Variants in NEURL4 observed in about 807,000 individuals in gnomAD.
The protein encoded by NEURL4 is neuralized-like protein 4.
A neutral mutation model predicts 148.0 loss-of-function variants in NEURL4; 45 were observed. The observed-to-expected ratio is 0.30, with a 90% CI of 0.24 to 0.39. The LOEUF (loss-of-function observed/expected upper bound fraction) is 0.39. Among genes scored for constraint, NEURL4 ranks in the 10% least tolerant of loss-of-function variants. The pLI is 1.00. For synonymous variants in NEURL4, 854 were observed against 869.0 expected (o/e 0.98, Z 0.30); for missense variants, 1,776 against 2,144.0 (o/e 0.83, Z 3.39).
Position 7,322,675 on chromosome 17 carries a change from T to C in NEURL4, c.2725+60A>G. 2 of 1,583,408 alleles carry C rather than the reference T, an allele frequency of 1.3e-6. No individual in the cohort carries two copies. Among genetic ancestry groups the C allele is most frequent in the South Asian group, 2.2e-5 (2 of 90,250 alleles). On this transcript the variant is annotated intron_variant, in intron 16 of 28. Coordinates refer to ENST00000399464, the MANE Select transcript of NEURL4 (RefSeq NM_032442.3). The surrounding 1 kb of genome is among the most constrained non-coding windows in gnomAD (Gnocchi z 5.5). ...CAGAACCTCTCTAACCTGGAAACCC[T>C]ACTCCTCAGGTGCACAGCAGGCAAG... is the stretch of plus-strand genomic sequence containing the variant.
chr17:7,327,973 T>C lies in NEURL4; in HGVS notation c.283-89A>G. Reference sequence around the variant, plus strand: ...TCTTCCCACCTCTCAGACAGCTAGCTGGCTTTCTGTCTCTTGGAACACTAA... The same window carrying C: ...TCTTCCCACCTCTCAGACAGCTAGCCGGCTTTCTGTCTCTTGGAACACTAA... On this transcript the variant is annotated intron_variant, in intron 1 of 28. Transcript: ENST00000399464. The surrounding 1 kb of genome is among the most constrained non-coding windows in gnomAD (Gnocchi z 6.6). 1 of 1,038,694 alleles carries C rather than the reference T, an allele frequency of 9.6e-7. No individual in the cohort carries two copies. Among genetic ancestry groups the C allele is most frequent in the Non-Finnish European group, 1.4e-6 (1 of 729,172 alleles). The allele number at this position is 1,038,694 out of a possible 1,614,324, so 64.3% of individuals were successfully genotyped here. A position where few individuals can be genotyped will look rare whatever the true frequency, so the allele number is the denominator to read the frequency against.
In NEURL4 at chr17:7,324,070, C is replaced by T. The variant is rs756149541; in HGVS notation, c.2062+38G>A. On this transcript the variant is annotated intron_variant, in intron 11 of 28. Coordinates refer to ENST00000399464, the MANE Select transcript of NEURL4 (RefSeq NM_032442.3). The surrounding 1 kb of genome is among the most constrained non-coding windows in gnomAD (Gnocchi z 5.9). ...AGGTGTCTCTCAGACCTCCCAAGGCCACCCTAACCCCCAGCCCCAGCCCAG... is the reference window on the plus strand; with the variant it reads ...AGGTGTCTCTCAGACCTCCCAAGGCTACCCTAACCCCCAGCCCCAGCCCAG... 1.1e-5 allele frequency: 17 copies of T among 1,609,542 alleles called. No homozygotes were observed. The East Asian group carries it at 3.3e-4, about 32-fold the overall frequency.
intron 21 of NEURL4, among the ~76,000 whole-genome samples, 164 bp from the exon 22 acceptor site, chr17:7,319,372 CTCTTTTTTTT>C (rs2072995821): frequency 1.0e-5 from 1 of 99,206 alleles, no homozygotes; most frequent in African/African-American, 3.3e-5. Flanking sequence ...GTTTCTTTCC[CTCTTTTTTTT>C]TTTTTTTTTT....
rs768709203 is a variant in NEURL4 at position 7,326,395 on chromosome 17, C to A, written c.1204+42G>T. 3.3e-5 allele frequency: 53 copies of A among 1,613,534 alleles called. No homozygotes were observed. The South Asian group carries it at 5.7e-4, about 17-fold the overall frequency. On this transcript the variant is annotated intron_variant, in intron 5 of 28. Coordinates refer to ENST00000399464, the MANE Select transcript of NEURL4 (RefSeq NM_032442.3). This position sits in a 1 kb window ranked among gnomAD's most constrained non-coding sequence, Gnocchi z 6.0. ...GGGTACGGGGCTTCCTTCCCCTCAG[C>A]AACACCAGGCCTGCACCCCCGCCCC...
Position 7,322,978 on chromosome 17 carries a change from C to A in NEURL4, c.2563G>T (p.Ala855Ser). 1 of 1,613,596 alleles carries A rather than the reference C, an allele frequency of 6.2e-7. No individual in the cohort carries two copies. The highest frequency in any genetic ancestry group is 8.5e-7 in the Non-Finnish European group (1 of 1,179,912). The change falls in exon 15 of 29, where the codon GCT becomes TCT. Residue 855 changes from alanine (A) to serine (S), a missense_variant. Ala to Ser is a moderately conservative substitution (Grantham distance 99, BLOSUM62 1). Transcript: ENST00000399464. This position sits in a 1 kb window ranked among gnomAD's most constrained non-coding sequence, Gnocchi z 5.5. Reference sequence around the variant, plus strand: ...CCCGGAGGCAGGCCCGAGCAGGCAGCGCCTTGGTCCTGGCCGTTGATGAAG... The same window carrying A: ...CCCGGAGGCAGGCCCGAGCAGGCAGAGCCTTGGTCCTGGCCGTTGATGAAG... ...HYFINGQDQGAACSGLPPGKE... is the reference protein window; with the variant it reads ...HYFINGQDQGSACSGLPPGKE...
chr17:7,318,094 G>C lies in NEURL4; in HGVS notation c.4031C>G (p.Ser1344Cys), dbSNP rs1291988756. The C allele has an allele frequency of 1.9e-6, 3 of 1,614,066 alleles. No individual in the cohort carries two copies. The highest frequency in any genetic ancestry group is 1.7e-6 in the Non-Finnish European group (2 of 1,180,030). Residue 1344 changes from serine (S) to cysteine (C), a missense_variant, in exon 25 of 29, where the codon TCT becomes TGT. Ser to Cys is a moderately radical substitution (Grantham distance 112). Transcript: ENST00000399464. This position sits in a 1 kb window ranked among gnomAD's most constrained non-coding sequence, Gnocchi z 4.3. ...LKSCEYHALC[S>C]RFQELLLLPE... Reference sequence around the variant, plus strand: ...AAGCAGCAGGAGTTCTTGGAAGCGAGAGCAAAGGGCATGGTACTCGCAGCT... The same window carrying C: ...AAGCAGCAGGAGTTCTTGGAAGCGACAGCAAAGGGCATGGTACTCGCAGCT...
intron 27 of NEURL4, 28 bp downstream of exon 27, chr17:7,317,433 C>T (rs755631326): frequency 1.2e-6 from 2 of 1,613,552 alleles, no homozygotes; most frequent in South Asian, 2.2e-5. Flanking sequence ...AGGCTCAGCC[C>T]ACCTTGCATG....
At chr17:7,320,087 T>C (rs1394979884) in intron 21 of NEURL4, among the ~76,000 whole-genome samples, 1 of 151,994 alleles carries the variant, frequency 6.6e-6, no homozygotes, top group African/African-American at 2.4e-5. Context: ...GCCTCGGCCT[T>C]CCAAAGTGTT....
Position 7,323,247 on chromosome 17 carries a change from C to A in NEURL4, c.2418-124G>T, listed in dbSNP as rs552980928. On this transcript the variant is annotated intron_variant, in intron 14 of 28. Coordinates refer to ENST00000399464, the MANE Select transcript of NEURL4 (RefSeq NM_032442.3). ...CTGGTGTCTTGATCTGGGTGTAAGG[C>A]CCAATCCTATCTCCTCTGTCCCTGG... The A allele has an allele frequency of 6.5e-6, 7 of 1,082,972 alleles. No homozygotes were observed. The Admixed American group carries it at 1.5e-4, about 23-fold the overall frequency. The allele number at this position is 1,082,972 out of a possible 1,614,324, so 67.1% of individuals were successfully genotyped here.
intron 6 of NEURL4, among the ~76,000 whole-genome samples, chr17:7,325,925 G>A (rs2073098405): frequency 6.6e-6 from 1 of 152,272 alleles, no homozygotes; most frequent in African/African-American, 2.4e-5. Context: ...ACAGACATTA[G>A]CTTCTACAAG....
At position 7,324,360 on chromosome 17, in the gene NEURL4, G is replaced by A. The variant is rs552121395; in HGVS notation, c.1899+35C>T. The A allele has an allele frequency of 3.2e-5, 51 of 1,613,740 alleles. No homozygotes were observed. The highest frequency in any genetic ancestry group is 1.9e-4 in the South Asian group (17 of 91,086). ...CAGCCCCGCGGTGTTTGTGATGCCC[G>A]CTGCGGCCGCCAGGCGGCGCACCCA... On this transcript the variant is annotated intron_variant, in intron 10 of 28. Transcript: ENST00000399464. The surrounding 1 kb of genome is among the most constrained non-coding windows in gnomAD (Gnocchi z 5.9).
Position 7,319,179 on chromosome 17 carries a change from C to T in NEURL4, c.3555G>A (p.Trp1185Ter). Reference sequence around the variant, plus strand: ...TGACTCCCAGGACAAGGGAAGATGTCCACTGTCGGTTTAGGAAATCTATCC... The same window carrying T: ...TGACTCCCAGGACAAGGGAAGATGTTCACTGTCGGTTTAGGAAATCTATCC... ...QVRIDFLNRQ[W>*]TSSLVLGVIT... Residue 1185 changes from tryptophan to a stop codon, truncating the protein, a stop_gained, in exon 22 of 29, where the codon TGG becomes TGA. Coordinates refer to ENST00000399464, the MANE Select transcript of NEURL4 (RefSeq NM_032442.3). LOFTEE classifies it high-confidence loss of function. 6.2e-7 allele frequency: 1 copy of T among 1,613,354 alleles called. No individual in the cohort carries two copies. The highest frequency in any genetic ancestry group is 8.5e-7 in the Non-Finnish European group (1 of 1,179,656).
chr17:7,319,009 C>A, intron 22 of NEURL4, 41 bp downstream of exon 22: 1 of 1,560,022 alleles, frequency 6.4e-7, no homozygotes, highest in South Asian at 1.2e-5. Context: ...CTTCTCTACT[C>A]ACAGGCCTGG....
At position 7,316,042 on chromosome 17, in the gene NEURL4, G is replaced by A. The variant is rs141142642; in HGVS notation, c.*81C>T. ...AGCACCTGCGCATGCCACGAGTCAC[G>A]GGAATGAGGTGGAGGCAGTCGCCAC... On this transcript the variant is annotated 3_prime_UTR_variant, in exon 29 of 29. Coordinates refer to ENST00000399464, the MANE Select transcript of NEURL4 (RefSeq NM_032442.3). 294 of 811,478 alleles carry A rather than the reference G, an allele frequency of 3.6e-4. 1 individual carries two copies. Among genetic ancestry groups the A allele is most frequent in the Admixed American group, 1.1e-3 (64 of 57,444 alleles). The allele number at this position is 811,478 out of a possible 1,614,324, so 50.3% of individuals were successfully genotyped here. A position where few individuals can be genotyped will look rare whatever the true frequency, so the allele number is the denominator to read the frequency against.
chr17:7,316,460 G>C, intron 28 of NEURL4, 133 bp from the exon 29 acceptor site: 1 of 677,848 alleles, frequency 1.5e-6, no homozygotes, highest in Non-Finnish European at 2.5e-6. Context: ...CGCTCTAGCT[G>C]TTCTACCTGA....
chr17:7,322,090 TGAAAC>T lies in NEURL4; in HGVS notation c.2726-85_2726-81del, dbSNP rs1207723167. The T allele has an allele frequency of 6.7e-7, 1 of 1,484,626 alleles. No homozygotes were observed. Among genetic ancestry groups the T allele is most frequent in the East Asian group, 2.3e-5 (1 of 43,892 alleles). 92.0% of individuals were successfully genotyped at this position (1,484,626 alleles called of 1,614,324 possible). A position where few individuals can be genotyped will look rare whatever the true frequency, so the allele number is the denominator to read the frequency against. On this transcript the variant is annotated intron_variant, in intron 16 of 28. Coordinates refer to ENST00000399464, the MANE Select transcript of NEURL4 (RefSeq NM_032442.3). The surrounding 1 kb of genome is among the most constrained non-coding windows in gnomAD (Gnocchi z 5.5). ...CAGAACACAGAGCAAAGCTTTCAGA[TGAAAC>T]GAAATGGGGATGCCAACGCCCCATC...
rs2073067119 is a variant in NEURL4 at position 7,324,021 on chromosome 17, G to C, written c.2063-9C>G. ...AGGAACTGGAGCCACCTCTGTAAAAGTGGACATCACCCATCAGGTCTCTAG... is the reference window on the plus strand; with the variant it reads ...AGGAACTGGAGCCACCTCTGTAAAACTGGACATCACCCATCAGGTCTCTAG... On this transcript the variant is annotated splice_polypyrimidine_tract_variant and intron_variant, in intron 11 of 28. Coordinates refer to ENST00000399464, the MANE Select transcript of NEURL4 (RefSeq NM_032442.3). The surrounding 1 kb of genome is among the most constrained non-coding windows in gnomAD (Gnocchi z 5.9). The C allele has an allele frequency of 6.2e-7, 1 of 1,608,876 alleles. No individual in the cohort carries two copies. Among genetic ancestry groups the C allele is most frequent in the African/African-American group, 1.3e-5 (1 of 74,920 alleles).
In NEURL4 at chr17:7,327,695, G is replaced by A. The variant is rs1237957858; in HGVS notation, c.472C>T (p.Arg158Cys). The change falls in exon 2 of 29, where the codon CGC becomes TGC. Residue 158 changes from arginine to cysteine, a missense_variant. Physicochemically the swap from Arg to Cys is radical, Grantham distance 180 (BLOSUM62 -3). Transcript: ENST00000399464. The surrounding 1 kb of genome is among the most constrained non-coding windows in gnomAD (Gnocchi z 6.6). ...QDLDQLGEGDRVGVERTVAGE... is the reference protein window; with the variant it reads ...QDLDQLGEGDCVGVERTVAGE... ...GCAACTGTGCGCTCCACGCCCACGC[G>A]GTCCCCTTCACCAAGCTGGTCCAGG... The A allele has an allele frequency of 4.3e-6, 7 of 1,614,018 alleles. No homozygotes were observed. Among genetic ancestry groups the A allele is most frequent in the Middle Eastern group, 1.6e-4 (1 of 6,062 alleles).
chr17:7,325,016 C>T lies in NEURL4; in HGVS notation c.1632-36G>A, dbSNP rs752419676. On this transcript the variant is annotated intron_variant, in intron 8 of 28. Transcript: ENST00000399464. ...AGCAAGTGGAGAGTCAGATCCCCAACACACGCTCTCAATGTGCCAAGGCTT... is the reference window on the plus strand; with the variant it reads ...AGCAAGTGGAGAGTCAGATCCCCAATACACGCTCTCAATGTGCCAAGGCTT... 31 of 1,609,154 alleles carry T rather than the reference C, an allele frequency of 1.9e-5. No individual in the cohort carries two copies. In the Admixed American group the frequency reaches 2.5e-4, roughly 13 times the overall value.
Sources: allele counts gnomAD v4.1 joint callset (sites outside exome capture counted in the v4.1 genomes callset), GRCh38; gene constraint gnomAD v4.1.1; non-coding constraint Gnocchi (gnomAD v3.1); transcripts MANE v1.5; gene names NCBI Gene and HGNC (gene_info 2026-07-23, HGNC 2026-07-21).